Variants in CPVL observed in about 807,000 individuals in gnomAD.
CPVL encodes probable serine carboxypeptidase CPVL.
A neutral mutation model predicts 63.7 loss-of-function variants in CPVL; 51 were observed. The observed-to-expected ratio is 0.80, with a 90% CI of 0.64 to 1.01. CPVL has a LOEUF of 1.01. Among genes scored for constraint, CPVL ranks in the 50% least tolerant of loss-of-function variants. The pLI is 0.00. For synonymous variants in CPVL, 195 were observed against 206.0 expected (o/e 0.95, Z 0.46); for missense variants, 530 against 573.1 (o/e 0.92, Z 0.77).
chr7:29,145,407 C>T (rs1163752655), intron 1 of CPVL, among the ~76,000 whole-genome samples: 1 of 152,002 alleles, frequency 6.6e-6, no homozygotes, highest in Non-Finnish European at 1.5e-5. Flanking sequence ...GTAGTGGATA[C>T]CGGAACCAGG....
At position 29,098,055 on chromosome 7, in the gene CPVL, G is replaced by C. The variant is rs185583418; in HGVS notation, c.289-1838C>G. ...CCTTGCATGATGGCATGGCTCGTTG[G>C]ATGGTTAGTCAGCAAGGATCCCCTG... is the stretch of plus-strand genomic sequence containing the variant. On this transcript the variant is annotated intron_variant, in intron 3 of 12. Transcript: ENST00000265394. Among the ~76,000 whole-genome samples the C allele has an allele frequency of 4.6e-3, 706 of 152,276 alleles. 5 individuals are homozygous for C. The highest frequency in any genetic ancestry group is 0.015 in the African/African-American group (615 of 41,564).
chr7:29,036,156 A>G (rs763139534), intron 11 of CPVL, among the ~76,000 whole-genome samples: 2 of 152,138 alleles, frequency 1.3e-5, no homozygotes, highest in African/African-American at 2.4e-5. Context: ...AAACTCATAC[A>G]CCTTCGGACC....
chr7:29,036,043 C>T (rs1788493077), intron 11 of CPVL, among the ~76,000 whole-genome samples: 1 of 152,226 alleles, frequency 6.6e-6, no homozygotes, highest in South Asian at 2.1e-4. Flanking sequence ...CACCCCACTT[C>T]TTCAGTTTTT....
chr7:29,009,167 G>A (rs1352522899), intron 12 of CPVL: 5 of 131,848 alleles, frequency 3.8e-5, no homozygotes, highest in Admixed American at 2.6e-4. Context: ...GTATGCCAGA[G>A]TCCTTCAATT....
At chr7:29,137,675 G>T (rs897798323) in intron 1 of CPVL, among the ~76,000 whole-genome samples, 1 of 152,110 alleles carries the variant, frequency 6.6e-6, no homozygotes, top group Non-Finnish European at 1.5e-5. Context: ...ATGATTTGGG[G>T]TCTGCTTTTC....
intron 5 of CPVL, among the ~76,000 whole-genome samples, chr7:29,094,434 C>T (rs1355885946): frequency 2.0e-5 from 3 of 152,020 alleles, no homozygotes; most frequent in African/African-American, 4.8e-5. Context: ...TGAAAGATTA[C>T]AAGTTCTGAC....
Position 29,072,369 on chromosome 7 carries a change from G to T in CPVL, c.664C>A (p.Pro222Thr). The T allele has an allele frequency of 6.2e-7, 1 of 1,613,826 alleles. No homozygotes were observed. The highest frequency in any genetic ancestry group is 8.5e-7 in the Non-Finnish European group (1 of 1,179,742). The change falls in exon 8 of 13, where the codon CCT (proline) becomes ACT (threonine). Residue 222 changes from proline to threonine, a missense_variant. Pro to Thr is a conservative substitution (Grantham distance 38, BLOSUM62 -1). Coordinates refer to ENST00000265394, the MANE Select transcript of CPVL (RefSeq NM_031311.5). ...AGGTTGATCTTCACCTCTCTCACAG[G>T]GTTGAGGGAATGGATGAGGTGTGCA... is the stretch of plus-strand genomic sequence containing the variant. ...AIAHLIHSLN[P>T]VREVKINLNG...
chr7:29,175,823 T>C (rs563863955), intron 5 of CPVL, among the ~76,000 whole-genome samples: 87 of 152,284 alleles, frequency 5.7e-4, no homozygotes, highest in Non-Finnish European at 1.0e-3. Flanking sequence ...AAGTCTAACA[T>C]GTCTAATTCA....
chr7:29,079,418 G>A (rs777943919), intron 7 of CPVL, among the ~76,000 whole-genome samples: 4 of 152,116 alleles, frequency 2.6e-5, no homozygotes, highest in Non-Finnish European at 2.9e-5. Context: ...CCACTTTCTG[G>A]CTGGGTGACC....
chr7:29,151,515 C>T (rs1004972376), upstream of CPVL, among the ~76,000 whole-genome samples: 2 of 152,186 alleles, frequency 1.3e-5, no homozygotes, highest in Non-Finnish European at 2.9e-5. Context: ...TGAGCAAGCC[C>T]TGTGTAAAAC....
intron 1 of CPVL, among the ~76,000 whole-genome samples, chr7:29,135,482 C>T (rs1445789156): frequency 6.6e-6 from 1 of 151,832 alleles, no homozygotes; most frequent in African/African-American, 2.4e-5. Context: ...CAGGTGCACG[C>T]CACCATGCCT....
intron 2 of CPVL, among the ~76,000 whole-genome samples, chr7:29,113,153 G>T (rs1007086054): frequency 3.3e-5 from 5 of 152,006 alleles, no homozygotes; most frequent in Admixed American, 6.6e-5. Flanking sequence ...AAACCAAGGT[G>T]ATCACCTTGG....
intron 5 of CPVL, among the ~76,000 whole-genome samples, chr7:29,167,510 A>G (rs1375883244): frequency 6.6e-6 from 1 of 152,216 alleles, no homozygotes; most frequent in East Asian, 1.9e-4. Context: ...ATGCAAAACT[A>G]TTTCTAAAGT....
chr7:29,169,740 T>C (rs1375109457), intron 5 of CPVL, among the ~76,000 whole-genome samples: 1 of 152,132 alleles, frequency 6.6e-6, no homozygotes, highest in Non-Finnish European at 1.5e-5. Flanking sequence ...TCCTCCCTTC[T>C]GACCACTGTT....
chr7:29,027,867 T>C (rs947212830), intron 12 of CPVL, among the ~76,000 whole-genome samples: 1 of 152,116 alleles, frequency 6.6e-6, no homozygotes, highest in African/African-American at 2.4e-5. Context: ...TGCTCATGGA[T>C]TGGAAAAATT....
intron 12 of CPVL, among the ~76,000 whole-genome samples, chr7:29,016,972 C>G (rs979265546): frequency 3.3e-5 from 5 of 152,184 alleles, no homozygotes; most frequent in African/African-American, 4.8e-5. Context: ...CTGAATTCAT[C>G]CTAAAGTTAC....
At chr7:29,136,154 C>T (rs995225470) in intron 1 of CPVL, among the ~76,000 whole-genome samples, 5 of 152,128 alleles carry the variant, frequency 3.3e-5, no homozygotes, top group Middle Eastern at 3.2e-3. Flanking sequence ...ATGAGATGTC[C>T]TCAAGGAAGA....
chr7:29,071,980 A>G, intron 8 of CPVL, 76 bp from the exon 9 acceptor site: 1 of 1,564,028 alleles, frequency 6.4e-7, no homozygotes, highest in Non-Finnish European at 8.7e-7. Context: ...TTGCTTGGTG[A>G]AATAATCCTT....
chr7:29,150,145 T>G (rs1793390802), upstream of CPVL, among the ~76,000 whole-genome samples: 1 of 152,138 alleles, frequency 6.6e-6, no homozygotes, highest in Non-Finnish European at 1.5e-5. Flanking sequence ...CATATTCTAG[T>G]GAGGTTTGGG....
Sources: allele counts gnomAD v4.1 joint callset (sites outside exome capture counted in the v4.1 genomes callset), GRCh38; gene constraint gnomAD v4.1.1; transcripts MANE v1.5; gene names NCBI Gene and HGNC (gene_info 2026-07-23, HGNC 2026-07-21).